The following DST variants were observed in gnomAD, a reference collection of about 807,000 sequenced individuals.
DST encodes the protein bullous pemphigoid antigen.
A neutral mutation model predicts 875.2 loss-of-function variants in DST; 253 were observed. The ratio of observed to expected loss-of-function variants is 0.29; its 90% CI spans 0.26 to 0.32. The LOEUF (loss-of-function observed/expected upper bound fraction) is 0.32, where lower values mean the gene tolerates loss of function less well. Ranked by LOEUF, DST falls within the 10% of genes least tolerant of loss-of-function variation. DST has a pLI of 1.00. For synonymous variants in DST, 3,124 were observed against 3,197.1 expected (o/e 0.98, Z 0.77); for missense variants, 8,287 against 9,111.6 (o/e 0.91, Z 3.68).
At chr6:56,703,832 G>T in intron 6 of DST, 86 bp from the exon 7 acceptor site, 1 of 306,998 alleles carries the variant, frequency 3.3e-6, no homozygotes, top group Non-Finnish European at 4.7e-6. Flanking sequence ...AGAACATAAT[G>T]AAGGAGAACA....
chr6:56,776,614 T>C (rs1475199361), intron 4 of DST, among the ~76,000 whole-genome samples: 2 of 152,140 alleles, frequency 1.3e-5, no homozygotes, highest in Non-Finnish European at 2.9e-5. Flanking sequence ...TATTGTAAAA[T>C]CTAAAGTATT....
intron 4 of DST, among the ~76,000 whole-genome samples, chr6:56,807,128 G>GA (rs2099753909): frequency 1.3e-5 from 2 of 152,148 alleles, no homozygotes; most frequent in Non-Finnish European, 2.9e-5. Flanking sequence ...TCAGCTCACT[G>GA]CAACCTCCGC....
At chr6:56,778,326 T>C (rs1183764427) in intron 4 of DST, among the ~76,000 whole-genome samples, 1 of 150,520 alleles carries the variant, frequency 6.6e-6, no homozygotes, top group Admixed American at 6.6e-5. Flanking sequence ...GGCCTACTGG[T>C]GCCCAGAGTC....
rs936865848 is a variant in DST at position 56,828,859 on chromosome 6, A to T, written c.625+22538T>A. Among the ~76,000 whole-genome samples the T allele has an allele frequency of 4.6e-5, 7 of 152,288 alleles. No individual in the cohort carries two copies. The East Asian group carries it at 1.3e-3, about 29-fold the overall frequency. Reference sequence around the variant, plus strand: ...GTTCTATAGTTCTGTACCCTATATTATCCTATAGTTCTGTTAATGGGGAGG... The same window carrying T: ...GTTCTATAGTTCTGTACCCTATATTTTCCTATAGTTCTGTTAATGGGGAGG... On this transcript the variant is annotated intron_variant, in intron 4 of 103. Transcript: ENST00000680361.
chr6:56,585,688 G>C (rs1238836760), intron 49 of DST, among the ~76,000 whole-genome samples: 2 of 151,236 alleles, frequency 1.3e-5, no homozygotes, highest in Non-Finnish European at 2.9e-5. Flanking sequence ...TGTGATGTTA[G>C]GGTGTCAATT....
chr6:56,716,911 G>A lies in DST; in HGVS notation c.688-12542C>T, dbSNP rs550012969. Reference sequence around the variant, plus strand: ...ACAAGCATGCAACCGACCGGGTGCGGTGGCTCACGCCTGTAATCCCAGCAC... The same window carrying A: ...ACAAGCATGCAACCGACCGGGTGCGATGGCTCACGCCTGTAATCCCAGCAC... On this transcript the variant is annotated intron_variant, in intron 5 of 103. Coordinates refer to ENST00000680361, the MANE Select transcript of DST (RefSeq NM_001374736.1). Among the ~76,000 whole-genome samples the A allele has an allele frequency of 3.3e-3, 508 of 152,274 alleles. 3 individuals are homozygous for A. The highest frequency in any genetic ancestry group is 6.0e-3 in the Non-Finnish European group (409 of 68,022).
chr6:56,679,682 G>A (rs1487691334), intron 9 of DST, among the ~76,000 whole-genome samples: 1 of 151,658 alleles, frequency 6.6e-6, no homozygotes, highest in African/African-American at 2.4e-5. Context: ...TGAGGTGGGA[G>A]GATCACCTGG....
At chr6:56,703,492 A>T (rs1359048105) in intron 7 of DST, among the ~76,000 whole-genome samples, 156 bp downstream of exon 7, 1 of 152,168 alleles carries the variant, frequency 6.6e-6, no homozygotes. Context: ...TCCTTTATCC[A>T]ATTTTTTGGT....
chr6:56,728,527 T>A (rs1348318390), intron 5 of DST, among the ~76,000 whole-genome samples: 2 of 152,008 alleles, frequency 1.3e-5, no homozygotes, highest in African/African-American at 2.4e-5. Flanking sequence ...ATACTAAAAA[T>A]TAGCTGGGCA....
intron 4 of DST, among the ~76,000 whole-genome samples, chr6:56,840,965 TC>T (rs2099799273): frequency 6.6e-6 from 1 of 152,088 alleles, no homozygotes; most frequent in African/African-American, 2.4e-5. Flanking sequence ...ACCAAGGAAC[TC>T]TGTCAGAAAT....
chr6:56,601,787 G>A, intron 43 of DST, 111 bp from the exon 44 acceptor site: 2 of 680,442 alleles, frequency 2.9e-6, no homozygotes, highest in Non-Finnish European at 4.7e-6. Flanking sequence ...GGGAATGGAA[G>A]TTTTATGAAT....
In DST at chr6:56,501,184, C is replaced by T; in HGVS notation, c.19792G>A (p.Asp6598Asn). 2 of 1,612,120 alleles carry T rather than the reference C, an allele frequency of 1.2e-6. No individual in the cohort carries two copies. Among genetic ancestry groups the T allele is most frequent in the African/African-American group, 1.3e-5 (1 of 74,914 alleles). ...LALGQFQHAL[D>N]ELLAWLTHTE... ...TGTGTCAGCCATGCCAGGAGCTCATCCAGGGCATGTTGGAACTGACCCAAG... is the reference window on the plus strand; with the variant it reads ...TGTGTCAGCCATGCCAGGAGCTCATTCAGGGCATGTTGGAACTGACCCAAG... Residue 6598 changes from aspartate (D) to asparagine (N), a missense_variant, in exon 80 of 104, where the codon GAT (aspartate) becomes AAT (asparagine). Asp to Asn is a conservative substitution (Grantham distance 23, BLOSUM62 1). This residue lies in a region of DST where 1,292 missense variants were observed against 1,552.7 expected (regional missense o/e 0.83). Coordinates refer to ENST00000680361, the MANE Select transcript of DST (RefSeq NM_001374736.1).
rs369447134 is a variant in DST at position 56,552,415 on chromosome 6, A to G, written c.16377T>C (p.Leu5459=). 191 of 1,613,872 alleles carry G rather than the reference A, an allele frequency of 1.2e-4. No homozygotes were observed. Among genetic ancestry groups the G allele is most frequent in the Non-Finnish European group, 1.5e-4 (181 of 1,179,896 alleles). Residue 5459 remains leucine, a synonymous_variant, in exon 61 of 104, where the codon CTT becomes CTC. Coordinates refer to ENST00000680361, the MANE Select transcript of DST (RefSeq NM_001374736.1). ...CCTCCAAGTCCCTTTTGATTCCAAC[A>G]AGGTCAGGAGAGGTTTCTTCTGTGG... The part of the protein sequence containing the change: ...MLATEETSPD[L]VGIKRDLEAL...
chr6:56,861,161 CAA>C (rs1345107986), intron 3 of DST, among the ~76,000 whole-genome samples: 3 of 152,184 alleles, frequency 2.0e-5, no homozygotes, highest in Non-Finnish European at 4.4e-5. Context: ...TCTTTCACTA[CAA>C]ACAGTAGACA....
intron 49 of DST, among the ~76,000 whole-genome samples, chr6:56,581,177 T>C (rs1184752211): frequency 6.7e-6 from 1 of 149,254 alleles, no homozygotes; most frequent in Non-Finnish European, 1.5e-5. Context: ...AAACTGGAAA[T>C]GGAAGAGAGT....
At chr6:56,642,941 A>G in intron 15 of DST, 1 of 1,463,514 alleles carries the variant, frequency 6.8e-7, no homozygotes, top group Non-Finnish European at 9.0e-7. Context: ...ATGCATATGC[A>G]ACACACAGCA....
intron 4 of DST, among the ~76,000 whole-genome samples, chr6:56,823,415 T>C (rs1343365713): frequency 6.6e-6 from 1 of 152,152 alleles, no homozygotes; most frequent in Non-Finnish European, 1.5e-5. Context: ...TGTATAATTT[T>C]TTTTTGTTTT....
In DST at chr6:56,537,956, AGAT is replaced by A. The variant is rs2097044858; in HGVS notation, c.16609-1019_16609-1017del. Among the ~76,000 whole-genome samples, 3 of 152,190 alleles carry A rather than the reference AGAT, an allele frequency of 2.0e-5. No individual in the cohort carries two copies. The South Asian group carries it at 6.2e-4, about 32-fold the overall frequency. On this transcript the variant is annotated intron_variant, in intron 61 of 103. Transcript: ENST00000680361. ...AGGTGGATGACTTCAACCCCTTAAC[AGAT>A]AATACTGGGAGTAGATACATCAATA...
intron 86 of DST, 38 bp from the exon 87 acceptor site, chr6:56,487,311 TG>T: frequency 6.6e-7 from 1 of 1,516,164 alleles, no homozygotes; most frequent in Non-Finnish European, 8.8e-7. Context: ...AATTTCTTCT[TG>T]GGACTAATAA....
Sources: allele counts gnomAD v4.1 joint callset (sites outside exome capture counted in the v4.1 genomes callset), GRCh38; gene constraint gnomAD v4.1.1; regional missense constraint gnomAD v4.1.1; transcripts MANE v1.5; gene names NCBI Gene and HGNC (gene_info 2026-07-23, HGNC 2026-07-21).